The following BRD10 variants were observed in gnomAD, a reference collection of about 807,000 sequenced individuals.
The protein encoded by BRD10 is uncharacterized bromodomain-containing protein 10.
At chr9:5,949,638 T>C in the BRD10 span, among the ~76,000 whole-genome samples, 3 of 152,188 alleles carry the variant, frequency 2.0e-5, no homozygotes, top group Non-Finnish European at 4.4e-5. Context: ...AAGGGCACAC[T>C]GCATGGAAGA....
At chr9:5,975,530 A>T in the BRD10 span, among the ~76,000 whole-genome samples, 7 of 151,978 alleles carry the variant, frequency 4.6e-5, no homozygotes, top group Non-Finnish European at 1.0e-4. Flanking sequence ...TCAAAAACTT[A>T]AGTAGAGACA....
the BRD10 span, chr9:5,913,962 T>C: frequency 2.2e-6 from 1 of 447,812 alleles, no homozygotes; most frequent in South Asian, 1.6e-5. Context: ...GAGAAAGTCT[T>C]GGAAAGAAGC....
chr9:5,984,654 G>A, the BRD10 span, among the ~76,000 whole-genome samples: 2 of 151,804 alleles, frequency 1.3e-5, no homozygotes, highest in African/African-American at 4.8e-5. Flanking sequence ...AAGACAAAAG[G>A]TTACTGTACT....
the BRD10 span, among the ~76,000 whole-genome samples, chr9:5,954,880 C>G: frequency 1.3e-5 from 2 of 151,998 alleles, no homozygotes; most frequent in African/African-American, 4.8e-5. Context: ...CACCAGAGGT[C>G]AGTTCGAGAC....
chr9:5,937,657 T>C, the BRD10 span, among the ~76,000 whole-genome samples: 1 of 152,240 alleles, frequency 6.6e-6, no homozygotes, highest in African/African-American at 2.4e-5. Flanking sequence ...TATACAGCAT[T>C]AACTCCCTGC....
At chr9:5,922,009 A>G in the BRD10 span, 6 of 1,613,914 alleles carry the variant, frequency 3.7e-6, no homozygotes, top group African/African-American at 5.3e-5. Context: ...AAGCAGAGGA[A>G]GAAGTTGTTG....
chr9:5,890,109 T>C, the BRD10 span, among the ~76,000 whole-genome samples: 2 of 152,150 alleles, frequency 1.3e-5, no homozygotes, highest in East Asian at 1.9e-4. Context: ...GAGATGGAGA[T>C]GAGGGAGGGA....
the BRD10 span, among the ~76,000 whole-genome samples, chr9:5,938,325 C>T: frequency 6.6e-6 from 1 of 151,648 alleles, no homozygotes; most frequent in Admixed American, 6.6e-5. Context: ...GCCTTTAGTC[C>T]CAGCTTCTCT....
At chr9:5,903,192 G>A in the BRD10 span, among the ~76,000 whole-genome samples, 3 of 152,100 alleles carry the variant, frequency 2.0e-5, no homozygotes, top group African/African-American at 7.2e-5. Context: ...GTGCAAACAT[G>A]GTATAATTTC....
At chr9:5,947,906 GA>G in the BRD10 span, among the ~76,000 whole-genome samples, 1 of 152,152 alleles carries the variant, frequency 6.6e-6, no homozygotes, top group East Asian at 1.9e-4. Context: ...TCTTGCATTT[GA>G]AAAACGTATC....
the BRD10 span, chr9:5,988,221 T>C: frequency 3.0e-6 from 2 of 666,990 alleles, no homozygotes. Context: ...TTGCGATATT[T>C]CATTATGAAT....
At chr9:5,933,117 G>A in the BRD10 span, among the ~76,000 whole-genome samples, 2 of 152,162 alleles carry the variant, frequency 1.3e-5, no homozygotes, top group African/African-American at 4.8e-5. Context: ...ATCATTTGTG[G>A]AGCAGTGCTA....
At chr9:5,921,428 A>C in the BRD10 span, 38 of 1,613,858 alleles carry the variant, frequency 2.4e-5, no homozygotes, top group Non-Finnish European at 2.9e-5. Flanking sequence ...TGATTCTGCA[A>C]CAAGAGTTGG....
chr9:5,951,070 ACACACACC>A, the BRD10 span, among the ~76,000 whole-genome samples: 166 of 137,614 alleles, frequency 1.2e-3, no homozygotes, highest in African/African-American at 3.2e-3. Flanking sequence ...ACACACACAC[ACACACACC>A]CCCACCCCAC....
the BRD10 span, chr9:5,969,475 G>C: frequency 7.7e-7 from 1 of 1,293,594 alleles, no homozygotes; most frequent in South Asian, 1.6e-5. Context: ...ATTATTCAGA[G>C]GGTACCATAA....
the BRD10 span, among the ~76,000 whole-genome samples, chr9:5,990,793 A>G: frequency 6.6e-6 from 1 of 152,250 alleles, no homozygotes. Context: ...GTAGAAGTGT[A>G]AACTGGCAGT....
chr9:5,981,642 ATCTAT>A, the BRD10 span, among the ~76,000 whole-genome samples: 8 of 151,910 alleles, frequency 5.3e-5, no homozygotes, highest in Middle Eastern at 3.4e-3. Context: ...CTATCTATCT[ATCTAT>A]TTTAATCTAT....
the BRD10 span, among the ~76,000 whole-genome samples, chr9:5,973,655 G>A: frequency 2.6e-5 from 4 of 152,130 alleles, no homozygotes; most frequent in South Asian, 4.1e-4. Flanking sequence ...TTGGGAGGCC[G>A]AGGTGGGAGG....
the BRD10 span, among the ~76,000 whole-genome samples, chr9:5,882,848 T>G: frequency 6.6e-6 from 1 of 152,232 alleles, no homozygotes; most frequent in Admixed American, 6.5e-5. Flanking sequence ...GATGAGTTCA[T>G]GTCCTTTGTA....
Sources: allele counts gnomAD v4.1 joint callset (sites outside exome capture counted in the v4.1 genomes callset), GRCh38; gene constraint gnomAD v4.1.1; transcripts MANE v1.5; gene names NCBI Gene and HGNC (gene_info 2026-07-23, HGNC 2026-07-21).